The following PRKCE variants were observed in gnomAD, a reference collection of about 807,000 sequenced individuals.
PRKCE encodes protein kinase C epsilon.
PRKCE carries 16 observed loss-of-function variants against 85.4 expected under a neutral mutation model. The observed-to-expected ratio is 0.19, with a 90% CI of 0.13 to 0.28. PRKCE has a LOEUF of 0.28. PRKCE is among the 10% of genes least tolerant of loss of function. The probability of loss-of-function intolerance (pLI) is 1.00; values close to 1 mark genes in which losing one functional copy is unlikely to be tolerated. For missense variants in PRKCE, 573 were observed against 975.2 expected, an observed-to-expected ratio of 0.59 and a Z score of 5.49; for synonymous variants, 388 against 371.5, an observed-to-expected ratio of 1.04 and a Z score of -0.51.
At chr2:46,012,970 A>T (rs1257182979) in intron 10 of PRKCE, among the ~76,000 whole-genome samples, 1 of 152,082 alleles carries the variant, frequency 6.6e-6, no homozygotes, top group Admixed American at 6.5e-5. Flanking sequence ...TCAGATATTT[A>T]CTATCTTTTC....
intron 1 of PRKCE, among the ~76,000 whole-genome samples, chr2:45,710,379 G>A (rs535886439): frequency 5.2e-4 from 79 of 152,298 alleles, no homozygotes; most frequent in Non-Finnish European, 7.1e-4. Context: ...ACAGCCTCTT[G>A]TAAGTACTCC....
chr2:45,832,400 G>A (rs1690504809), intron 1 of PRKCE, among the ~76,000 whole-genome samples: 1 of 149,834 alleles, frequency 6.7e-6, no homozygotes, highest in Non-Finnish European at 1.5e-5. Context: ...GCAACCTCCG[G>A]CTCTTGGGTT....
At position 45,955,333 on chromosome 2, in the gene PRKCE, T is replaced by A. The variant is rs1197856269; in HGVS notation, c.413-21096T>A. Among the ~76,000 whole-genome samples, 19 of 152,236 alleles carry A rather than the reference T, an allele frequency of 1.2e-4. 2 individuals carry two copies. In the Middle Eastern group the frequency reaches 0.02, roughly 164 times the overall value. On this transcript the variant is annotated intron_variant, in intron 2 of 14. Transcript: ENST00000306156. ...TGGAGGGAGGAATGAGCTTGGCCTC[T>A]GAGAGGGTTTGCCAGGAGACTGACC...
intron 1 of PRKCE, among the ~76,000 whole-genome samples, chr2:45,809,454 A>G (rs1688493302): frequency 1.3e-5 from 2 of 152,260 alleles, no homozygotes; most frequent in African/African-American, 4.8e-5. Flanking sequence ...GCAGCTGTGC[A>G]AAGATGAAAT....
chr2:45,774,494 C>T lies in PRKCE; in HGVS notation c.349-68506C>T, dbSNP rs1480004725. 1.3e-5 allele frequency among the ~76,000 whole-genome samples: 2 copies of T among 152,170 alleles called. No homozygotes were observed. The highest frequency in any genetic ancestry group is 2.9e-5 in the Non-Finnish European group (2 of 68,036). On this transcript the variant is annotated intron_variant, in intron 1 of 14. Transcript: ENST00000306156. The surrounding 1 kb of genome is among the most constrained non-coding windows in gnomAD (Gnocchi z 4.3). ...TCTCTCTTTTTGATAAATTCTCTTCCCTCCCTGTCTCTCCTGTCTCCTTTC... is the reference window on the plus strand; with the variant it reads ...TCTCTCTTTTTGATAAATTCTCTTCTCTCCCTGTCTCTCCTGTCTCCTTTC...
chr2:46,163,893 G>T (rs1412738000), intron 14 of PRKCE, among the ~76,000 whole-genome samples: 1 of 137,894 alleles, frequency 7.3e-6, no homozygotes, highest in East Asian at 2.3e-4. Flanking sequence ...GAAAGGTGAG[G>T]TGCACCCCAC....
Position 45,834,279 on chromosome 2 carries a change from G to GA in PRKCE, c.349-8720dup, listed in dbSNP as rs537259161. On this transcript the variant is annotated intron_variant, in intron 1 of 14. Transcript: ENST00000306156. The stretch of plus-strand genomic sequence containing the variant: ...AGAATGCAGTGTTTCAGCCAGTTTT[G>GA]AGGGGTGTTTATTTAAGGTGTGTCT... Among the ~76,000 whole-genome samples, 7 of 152,326 alleles carry GA rather than the reference G, an allele frequency of 4.6e-5. No individual in the cohort carries two copies. The East Asian group carries it at 1.3e-3, about 29-fold the overall frequency.
At chr2:45,946,054 G>A (rs930113288) in intron 2 of PRKCE, among the ~76,000 whole-genome samples, 32 of 152,260 alleles carry the variant, frequency 2.1e-4, no homozygotes, top group African/African-American at 7.2e-4. Flanking sequence ...AATAGCTCTG[G>A]ACAGGATTGG....
intron 10 of PRKCE, among the ~76,000 whole-genome samples, chr2:46,019,710 T>C (rs1280594048): frequency 6.6e-6 from 1 of 152,140 alleles, no homozygotes; most frequent in Non-Finnish European, 1.5e-5. Flanking sequence ...TTGCAGTTTC[T>C]AAGAACTTAC....
chr2:45,722,464 G>T (rs1197146721), intron 1 of PRKCE, among the ~76,000 whole-genome samples: 1 of 152,164 alleles, frequency 6.6e-6, no homozygotes. Flanking sequence ...TGAAAAGGCC[G>T]CAGGAACCTC....
chr2:45,878,283 C>T (rs1322033801), intron 2 of PRKCE, among the ~76,000 whole-genome samples: 1 of 152,196 alleles, frequency 6.6e-6, no homozygotes, highest in Non-Finnish European at 1.5e-5. Context: ...GTTATGAAGG[C>T]ATCCTCCTCT....
At chr2:45,923,360 C>T (rs1306745296) in intron 2 of PRKCE, among the ~76,000 whole-genome samples, 4 of 152,182 alleles carry the variant, frequency 2.6e-5, no homozygotes, top group African/African-American at 9.7e-5. Flanking sequence ...TTTGTGTGCC[C>T]AGAGCAGTGG....
chr2:45,821,345 C>T (rs1160346316), intron 1 of PRKCE, among the ~76,000 whole-genome samples: 3 of 152,158 alleles, frequency 2.0e-5, no homozygotes, highest in Admixed American at 6.5e-5. Context: ...ACACAAGCAA[C>T]AAATGTGAAT....
At chr2:45,939,324 C>T (rs1464649849) in intron 2 of PRKCE, among the ~76,000 whole-genome samples, 1 of 152,186 alleles carries the variant, frequency 6.6e-6, no homozygotes, top group Non-Finnish European at 1.5e-5. Context: ...CTGCCACCTT[C>T]CCCTGTGTTC....
intron 1 of PRKCE, among the ~76,000 whole-genome samples, chr2:45,711,995 G>T (rs1679682495): frequency 6.6e-6 from 1 of 152,240 alleles, no homozygotes; most frequent in South Asian, 2.1e-4. Flanking sequence ...TCACTCTGCA[G>T]ATGAAAGGTT....
At chr2:45,850,175 G>A (rs772833903) in intron 2 of PRKCE, among the ~76,000 whole-genome samples, 2 of 152,206 alleles carry the variant, frequency 1.3e-5, no homozygotes, top group Non-Finnish European at 2.9e-5. Context: ...GAGCTCTTTT[G>A]ATCACAACTA....
chr2:46,112,825 A>T (rs1672401640), intron 11 of PRKCE, among the ~76,000 whole-genome samples: 1 of 152,016 alleles, frequency 6.6e-6, no homozygotes, highest in Admixed American at 6.6e-5. Flanking sequence ...TGGCCTCTTT[A>T]TCACTGTTTT....
chr2:45,811,925 A>T (rs111240035), intron 1 of PRKCE, among the ~76,000 whole-genome samples: 4 of 152,012 alleles, frequency 2.6e-5, no homozygotes, highest in Non-Finnish European at 5.9e-5. Context: ...AGACACACAC[A>T]CCCCTCCCAT....
At chr2:45,749,980 A>T (rs529338788) in intron 1 of PRKCE, among the ~76,000 whole-genome samples, 5 of 152,334 alleles carry the variant, frequency 3.3e-5, no homozygotes, top group Middle Eastern at 6.8e-3. Flanking sequence ...ATTCTGTATT[A>T]AAAAAATCTT....
Sources: gnomAD v4.1 joint callset for allele counts (sites outside exome capture counted in the v4.1 genomes callset) on GRCh38, gnomAD v4.1.1 for gene constraint, Gnocchi (gnomAD v3.1) non-coding constraint, MANE v1.5 for transcripts, NCBI Gene and HGNC (gene_info 2026-07-23, HGNC 2026-07-21) for gene names.